The following PBRM1 variants were observed in gnomAD, a reference collection of about 807,000 sequenced individuals.
The protein encoded by PBRM1 is polybromo 1, also known as protein polybromo-1.
In PBRM1, 27 loss-of-function variants were observed where a neutral mutation model predicts 194.5. That is an observed-to-expected ratio of 0.14 (90% CI 0.10 to 0.19). The LOEUF (loss-of-function observed/expected upper bound fraction) is 0.19, where lower values mean the gene tolerates loss of function less well. Ranked by LOEUF, PBRM1 falls within the 10% of genes least tolerant of loss-of-function variation. PBRM1 has a pLI of 1.00. For synonymous variants in PBRM1, 655 were observed against 693.2 expected, an observed-to-expected ratio of 0.94 and a Z score of 0.87; for missense variants, 1,466 against 2,077.2, an observed-to-expected ratio of 0.71 and a Z score of 5.72.
intron 7 of PBRM1, among the ~76,000 whole-genome samples, chr3:52,646,814 G>C (rs1560734861): frequency 6.6e-6 from 1 of 152,084 alleles, no homozygotes; most frequent in African/African-American, 2.4e-5. Flanking sequence ...CTTCTTACAA[G>C]AAAACATAGG....
At chr3:52,625,575 CT>C (rs747413256) in intron 13 of PBRM1, among the ~76,000 whole-genome samples, 252 of 138,548 alleles carry the variant, frequency 1.8e-3, no homozygotes, top group Admixed American at 1.6e-3. Flanking sequence ...TAATGCTTAA[CT>C]TTTTTTTTTT....
exon 15 of PBRM1, chr3:52,615,405 C>T (rs1169377404): frequency 6.2e-7 from 1 of 1,613,168 alleles, no homozygotes. Flanking sequence ...GGGCCCAGCT[C>T]TTTCCTTTTC....
At chr3:52,610,148 T>C (rs1410909395) in intron 15 of PBRM1, among the ~76,000 whole-genome samples, 193 bp from the exon 18 acceptor site, 9 of 152,212 alleles carry the variant, frequency 5.9e-5, no homozygotes, top group Non-Finnish European at 1.2e-4. Flanking sequence ...AATTATATTT[T>C]TGATGGGAGA....
At position 52,626,430 on chromosome 3, in the gene PBRM1, T is replaced by A. The variant is rs567584539; in HGVS notation, c.1541+843A>T. Among the ~76,000 whole-genome samples, 5 of 152,336 alleles carry A rather than the reference T, an allele frequency of 3.3e-5. No homozygotes were observed. In the South Asian group the frequency reaches 1.0e-3, roughly 32 times the overall value. On this transcript the variant is annotated intron_variant, in intron 13 of 29. Transcript: ENST00000296302. ...TCTCTTAATGCATGTATAGACTGTG[T>A]CAACAGTTACTAAAGACTTCATTCA...
chr3:52,675,621 G>T (rs915125277), intron 2 of PBRM1, among the ~76,000 whole-genome samples: 23 of 152,122 alleles, frequency 1.5e-4, no homozygotes, highest in African/African-American at 5.3e-4. Context: ...TTTTGCCACT[G>T]AATATGTTGT....
intron 17 of PBRM1, among the ~76,000 whole-genome samples, chr3:52,591,401 T>C (rs2093020756): frequency 6.6e-6 from 1 of 152,146 alleles, no homozygotes; most frequent in Non-Finnish European, 1.5e-5. Flanking sequence ...TTGTAATAGA[T>C]GGCTCTTATT....
At chr3:52,578,881 C>A (rs1267792190) in intron 21 of PBRM1, 173 bp downstream of exon 23, 2 of 694,428 alleles carry the variant, frequency 2.9e-6, no homozygotes, top group Non-Finnish European at 5.2e-6. Flanking sequence ...AACAAAAGAG[C>A]CCAAAGGGAT....
At chr3:52,660,288 C>T (rs182373673) in intron 4 of PBRM1, among the ~76,000 whole-genome samples, 1 of 152,270 alleles carries the variant, frequency 6.6e-6, no homozygotes, top group East Asian at 1.9e-4. Context: ...AAAGCATGGG[C>T]TGCTTCTCCT....
At chr3:52,556,639 A>G (rs1236388328) in intron 26 of PBRM1, among the ~76,000 whole-genome samples, 1 of 152,252 alleles carries the variant, frequency 6.6e-6, no homozygotes, top group African/African-American at 2.4e-5. Context: ...ATGAGCTTCA[A>G]TGCTTGTAAG....
intron 15 of PBRM1, among the ~76,000 whole-genome samples, chr3:52,610,793 A>C (rs1397163417): frequency 6.6e-6 from 1 of 152,120 alleles, no homozygotes; most frequent in African/African-American, 2.4e-5. Context: ...ACAAAAAATT[A>C]GCCGAGTGTG....
chr3:52,677,454 C>G (rs1029685464), intron 2 of PBRM1, among the ~76,000 whole-genome samples: 2 of 141,820 alleles, frequency 1.4e-5, no homozygotes, highest in African/African-American at 5.7e-5. Flanking sequence ...CTCTTGTCAC[C>G]AAGGCTGGAG....
chr3:52,560,359 C>T lies in PBRM1; in HGVS notation c.4288+1408G>A, dbSNP rs548429749. ...AGCTCAGTGGTGTAGTAGGTCTTAA[C>T]TTTCAATAAGGTCAGAAATATCAAA... On this transcript the variant is annotated intron_variant, in intron 25 of 29. Transcript: ENST00000296302. Among the ~76,000 whole-genome samples, 4 of 152,300 alleles carry T rather than the reference C, an allele frequency of 2.6e-5. No homozygotes were observed. In the South Asian group the frequency reaches 8.3e-4, roughly 32 times the overall value.
chr3:52,595,065 G>C (rs762374114), intron 17 of PBRM1, among the ~76,000 whole-genome samples: 1 of 152,130 alleles, frequency 6.6e-6, no homozygotes, highest in Non-Finnish European at 1.5e-5. Context: ...GGGATTCTCT[G>C]AGTTTCCTGA....
At chr3:52,579,285 C>T (rs1170806503) in intron 20 of PBRM1, 86 bp from the exon 23 acceptor site, 4 of 1,289,692 alleles carry the variant, frequency 3.1e-6, no homozygotes, top group Non-Finnish European at 4.4e-6. Flanking sequence ...TTTTCTTTCA[C>T]ATTAACTTAA....
At chr3:52,654,792 G>A (rs781779411) in intron 5 of PBRM1, among the ~76,000 whole-genome samples, 3 of 151,994 alleles carry the variant, frequency 2.0e-5, no homozygotes, top group Non-Finnish European at 2.9e-5. Context: ...GACAGAGAGC[G>A]AGAGAGAGAA....
intron 17 of PBRM1, among the ~76,000 whole-genome samples, chr3:52,602,558 T>C (rs1363408760): frequency 1.3e-5 from 2 of 152,216 alleles, no homozygotes; most frequent in Non-Finnish European, 2.9e-5. Flanking sequence ...GATGTCTAAT[T>C]TTCAGAATAT....
chr3:52,636,495 T>C (rs1337961369), intron 10 of PBRM1, among the ~76,000 whole-genome samples: 5 of 151,462 alleles, frequency 3.3e-5, no homozygotes, highest in East Asian at 2.0e-4. Context: ...CGGTGGCTCA[T>C]GCCTGTAATC....
At chr3:52,680,769 C>T (rs2097190826), upstream of PBRM1, among the ~76,000 whole-genome samples, 1 of 152,122 alleles carries the variant, frequency 6.6e-6, no homozygotes, top group African/African-American at 2.4e-5. Flanking sequence ...TCAAGCGATT[C>T]TCCTGCCTCA....
chr3:52,640,736 G>A (rs972813187), intron 10 of PBRM1, among the ~76,000 whole-genome samples: 4 of 151,778 alleles, frequency 2.6e-5, no homozygotes, highest in South Asian at 2.1e-4. Context: ...CCACTTCCTC[G>A]GTTCAAGTGA....
Sources: gnomAD v4.1 joint callset for allele counts (sites outside exome capture counted in the v4.1 genomes callset) on GRCh38, gnomAD v4.1.1 for gene constraint, MANE v1.5 for transcripts, NCBI Gene and HGNC (gene_info 2026-07-23, HGNC 2026-07-21) for gene names.